ZCCHC2: variants seen among roughly 807,000 people sequenced by gnomAD.
ZCCHC2 encodes zinc finger CCHC domain-containing protein 2.
Under a neutral mutation model 103.6 loss-of-function variants are expected in ZCCHC2, and 39 were observed. That is an observed-to-expected ratio of 0.38 (90% CI 0.29 to 0.49). ZCCHC2 has a LOEUF of 0.49. ZCCHC2 is among the 20% of genes least tolerant of loss of function. The pLI is 0.96. For missense variants in ZCCHC2, 1,483 were observed against 1,491.0 expected, an observed-to-expected ratio of 0.99 and a Z score of 0.09; for synonymous variants, 687 against 608.9, an observed-to-expected ratio of 1.13 and a Z score of -1.89.
chr18:62,540,745 G>A (rs756045320), intron 2 of ZCCHC2, among the ~76,000 whole-genome samples: 1 of 152,110 alleles, frequency 6.6e-6, no homozygotes, highest in Non-Finnish European at 1.5e-5. Context: ...TGTAAAGGTG[G>A]TACTGTAGAT....
chr18:62,539,443 A>G (rs1473980), intron 1 of ZCCHC2: 165,245 of 390,706 alleles, frequency 0.42, 36,556 homozygotes, highest in East Asian at 0.67. Context: ...GCAACTCTGT[A>G]TATTATTAAG....
chr18:62,562,631 C>G (rs1339204689), intron 8 of ZCCHC2, among the ~76,000 whole-genome samples: 8 of 152,012 alleles, frequency 5.3e-5, no homozygotes, highest in Admixed American at 3.9e-4. Flanking sequence ...TTGTCTGTTT[C>G]TTTTGGTTTT....
intron 5 of ZCCHC2, among the ~76,000 whole-genome samples, chr18:62,554,757 C>A (rs116189279): frequency 1.0e-3 from 155 of 152,260 alleles, no homozygotes; most frequent in African/African-American, 3.7e-3. Context: ...TAATGTCAGC[C>A]TTAGGTAATA....
chr18:62,563,549 C>T (rs573200753), intron 9 of ZCCHC2, among the ~76,000 whole-genome samples: 9 of 152,118 alleles, frequency 5.9e-5, no homozygotes, highest in African/African-American at 1.9e-4. Flanking sequence ...CTCAGCTACT[C>T]GGGAGGCTGA....
chr18:62,544,098 G>A (rs887705014), intron 3 of ZCCHC2, among the ~76,000 whole-genome samples: 4 of 152,164 alleles, frequency 2.6e-5, no homozygotes, highest in African/African-American at 4.8e-5. Flanking sequence ...AATAATTATA[G>A]GGTAGAAATT....
At chr18:62,538,740 G>A (rs1440446082) in intron 1 of ZCCHC2, among the ~76,000 whole-genome samples, 24 of 152,138 alleles carry the variant, frequency 1.6e-4, no homozygotes, top group Admixed American at 1.6e-3. Context: ...ACTTACTGTC[G>A]GGTCGGGATG....
At chr18:62,558,115 T>C (rs1332875668) in intron 6 of ZCCHC2, among the ~76,000 whole-genome samples, 1 of 152,082 alleles carries the variant, frequency 6.6e-6, no homozygotes, top group African/African-American at 2.4e-5. Context: ...AAAATAATGC[T>C]AAAGTCCTGA....
intron 1 of ZCCHC2, among the ~76,000 whole-genome samples, chr18:62,529,291 T>C (rs1383134903): frequency 2.0e-5 from 3 of 152,124 alleles, no homozygotes; most frequent in Non-Finnish European, 4.4e-5. Flanking sequence ...GTGAATAGTG[T>C]TGTTGGGGCA....
intron 1 of ZCCHC2, among the ~76,000 whole-genome samples, chr18:62,532,406 C>G (rs1914722651): frequency 6.6e-6 from 1 of 152,186 alleles, no homozygotes; most frequent in Admixed American, 6.5e-5. Context: ...CCTTCTGATT[C>G]CCCTGCTTTT....
At chr18:62,528,687 G>A (rs538411771) in intron 1 of ZCCHC2, among the ~76,000 whole-genome samples, 37 of 151,896 alleles carry the variant, frequency 2.4e-4, no homozygotes, top group Non-Finnish European at 5.1e-4. Context: ...GATTAACTTC[G>A]CAATATAGGA....
chr18:62,541,552 G>C (rs1268408243), intron 2 of ZCCHC2, among the ~76,000 whole-genome samples: 1 of 48,858 alleles, frequency 2.0e-5, no homozygotes, highest in Non-Finnish European at 3.1e-5. Context: ...GAATCCAACA[G>C]TGTACCCCCC....
chr18:62,524,079 G>GACGAGCGCGGCGA lies in ZCCHC2; in HGVS notation c.656_668dup (p.Asp224ArgfsTer101). On this transcript the variant is annotated frameshift_variant, in exon 1 of 14. Transcript: ENST00000269499. LOFTEE classifies it high-confidence loss of function. ...CGAGGGCTCGCGGGGCGGCGCGGAG[G>GACGAGCGCGGCGA]ACGAGCGCGGCGAGGACGGCGACGG... 1 of 1,509,298 alleles carries GACGAGCGCGGCGA rather than the reference G, an allele frequency of 6.6e-7. No individual in the cohort carries two copies. 93.5% of individuals were successfully genotyped at this position (1,509,298 alleles called of 1,614,324 possible).
Position 62,523,376 on chromosome 18 carries a change from G to GCGGCGCC in ZCCHC2, c.-48_-47insGGCGCCC. The GCGGCGCC allele has an allele frequency of 6.9e-6, 7 of 1,012,346 alleles. No homozygotes were observed. Among genetic ancestry groups the GCGGCGCC allele is most frequent in the Non-Finnish European group, 8.2e-6 (7 of 848,984 alleles). The allele number at this position is 1,012,346 out of a possible 1,614,324, so 62.7% of individuals were successfully genotyped here. Reference sequence around the variant, plus strand: ...GCCTCGGCCCGTGCTCCACCTCGCGGCCCCTCCCGCCCGCCCCCGCTCGCA... The same window carrying GCGGCGCC: ...GCCTCGGCCCGTGCTCCACCTCGCGGCGGCGCCCCCCTCCCGCCCGCCCCCGCTCGCA... On this transcript the variant is annotated 5_prime_UTR_variant, in exon 1 of 14. Coordinates refer to ENST00000269499, the MANE Select transcript of ZCCHC2 (RefSeq NM_017742.6).
intron 2 of ZCCHC2, among the ~76,000 whole-genome samples, chr18:62,541,672 G>A (rs1281800469): frequency 6.6e-6 from 1 of 152,064 alleles, no homozygotes; most frequent in African/African-American, 2.4e-5. Flanking sequence ...GGTTTCTTCT[G>A]TTCATACCCT....
intron 12 of ZCCHC2, 29 bp downstream of exon 12, chr18:62,570,260 G>A: frequency 6.2e-7 from 1 of 1,606,574 alleles, no homozygotes; most frequent in Non-Finnish European, 8.5e-7. Flanking sequence ...GAGTATTGTT[G>A]GCATGGCAGG....
Position 62,565,019 on chromosome 18 carries a change from C to G in ZCCHC2, c.1769C>G (p.Thr590Ser). 6.2e-7 allele frequency: 1 copy of G among 1,612,874 alleles called. No individual in the cohort carries two copies. The highest frequency in any genetic ancestry group is 8.5e-7 in the Non-Finnish European group (1 of 1,179,086). The change falls in exon 11 of 14, where the codon ACT (threonine) becomes AGT (serine). Residue 590 changes from threonine (T) to serine (S), a missense_variant. This residue lies in a region of ZCCHC2 where 884 missense variants were observed against 907.5 expected (regional missense o/e 0.97). Coordinates refer to ENST00000269499, the MANE Select transcript of ZCCHC2 (RefSeq NM_017742.6). ...TGGTTTAGGGAGAAAATTAAGAAAA[C>G]TGACAACAGATTGAATAGTAGAATA... The part of the protein sequence containing the change: ...PQTEKEKIKK[T>S]DNRLNSRING...
intron 4 of ZCCHC2, among the ~76,000 whole-genome samples, chr18:62,547,536 T>C (rs1314382353): frequency 6.6e-6 from 1 of 151,640 alleles, no homozygotes; most frequent in Non-Finnish European, 1.5e-5. Flanking sequence ...CACCTGTTTT[T>C]GTGGGTTTGT....
chr18:62,563,719 G>A (rs1469095758), intron 9 of ZCCHC2, among the ~76,000 whole-genome samples: 2 of 152,148 alleles, frequency 1.3e-5, no homozygotes, highest in Admixed American at 6.5e-5. Flanking sequence ...TTTAACAAAG[G>A]TGTACATCAG....
intron 1 of ZCCHC2, among the ~76,000 whole-genome samples, chr18:62,532,705 G>C (rs748149901): frequency 7.9e-5 from 12 of 151,998 alleles, no homozygotes; most frequent in Non-Finnish European, 1.3e-4. Flanking sequence ...TTGTAATTTT[G>C]GTACTTCTGT....
Sources: allele counts gnomAD v4.1 joint callset (sites outside exome capture counted in the v4.1 genomes callset), GRCh38; gene constraint gnomAD v4.1.1; regional missense constraint gnomAD v4.1.1; transcripts MANE v1.5; gene names NCBI Gene and HGNC (gene_info 2026-07-23, HGNC 2026-07-21).